The following GRM1 variants were observed in gnomAD, a reference collection of about 807,000 sequenced individuals.
The protein encoded by GRM1 is glutamate metabotropic receptor 1.
In GRM1, 33 loss-of-function variants were observed where a neutral mutation model predicts 90.9. The observed-to-expected ratio is 0.36, with a 90% confidence interval of 0.28 to 0.49. GRM1 has a LOEUF of 0.49. Ranked by LOEUF, GRM1 falls within the 20% of genes least tolerant of loss-of-function variation. The pLI is 0.99. For missense variants in GRM1, 1,190 were observed against 1,534.3 expected, an observed-to-expected ratio of 0.78 and a Z score of 3.75; for synonymous variants, 700 against 613.2, an observed-to-expected ratio of 1.14 and a Z score of -2.09.
At chr6:146,074,156 C>G (rs1776106451) in intron 1 of GRM1, among the ~76,000 whole-genome samples, 1 of 151,964 alleles carries the variant, frequency 6.6e-6, no homozygotes, top group South Asian at 2.1e-4. Context: ...AAACAATGTA[C>G]CAAATGTTGA....
chr6:146,430,082 A>T (rs1379934379), intron 7 of GRM1, among the ~76,000 whole-genome samples: 1 of 152,202 alleles, frequency 6.6e-6, no homozygotes, highest in East Asian at 1.9e-4. Context: ...TACTCTGCAG[A>T]TGTAACTAGT....
chr6:146,124,622 G>C (rs1323887404), intron 1 of GRM1, among the ~76,000 whole-genome samples: 1 of 151,936 alleles, frequency 6.6e-6, no homozygotes, highest in African/African-American at 2.4e-5. Flanking sequence ...ATAAGAATTG[G>C]TTATACTACA....
At chr6:146,136,061 C>T (rs367566908) in intron 1 of GRM1, among the ~76,000 whole-genome samples, 3 of 152,178 alleles carry the variant, frequency 2.0e-5, no homozygotes, top group African/African-American at 7.2e-5. Context: ...GCTTATTTCA[C>T]TTAAGATAAT....
At chr6:146,148,932 G>T (rs1224938196) in intron 1 of GRM1, among the ~76,000 whole-genome samples, 1 of 152,160 alleles carries the variant, frequency 6.6e-6, no homozygotes, top group Non-Finnish European at 1.5e-5. Context: ...AGGTGAGATA[G>T]AATTGCTCCT....
intron 2 of GRM1, among the ~76,000 whole-genome samples, chr6:146,232,720 A>C (rs368275810): frequency 6.6e-6 from 1 of 152,022 alleles, no homozygotes; most frequent in African/African-American, 2.4e-5. Flanking sequence ...TATTGCATTA[A>C]GGCTCACCTA....
At position 146,398,805 on chromosome 6, in the gene GRM1, G is replaced by C. The variant is rs1183828361; in HGVS notation, c.1766G>C (p.Ser589Thr). The change falls in exon 7 of 8, where the codon AGC becomes ACC. Residue 589 changes from serine (S) to threonine (T), a missense_variant. Coordinates refer to ENST00000282753, the MANE Select transcript of GRM1 (RefSeq NM_001278064.2). Reference protein sequence around the residue: ...EPIPVRYLEWSNIESIIAIAF... With the variant: ...EPIPVRYLEWTNIESIIAIAF... ...ATTCCTGTGCGCTATCTTGAGTGGA[G>C]CAACATCGAATCCATTATAGCCATC... 6.2e-7 allele frequency: 1 copy of C among 1,613,346 alleles called. No homozygotes were observed. The highest frequency in any genetic ancestry group is 8.5e-7 in the Non-Finnish European group (1 of 1,179,458).
Position 146,437,554 on chromosome 6 carries a change from C to G in GRM1, c.*2758C>G, listed in dbSNP as rs967015578. On this transcript the variant is annotated 3_prime_UTR_variant, in exon 8 of 8. Coordinates refer to ENST00000282753, the MANE Select transcript of GRM1 (RefSeq NM_001278064.2). ...CCTTCGGCTTGTTACTGCCTTTTGT[C>G]AAATAATCTTGACAATGCTGTATAA... The G allele has an allele frequency of 2.6e-5, 4 of 152,634 alleles. No individual in the cohort carries two copies. The highest frequency in any genetic ancestry group is 9.6e-5 in the African/African-American group (4 of 41,544). 9.5% of individuals were successfully genotyped at this position (152,634 alleles called of 1,614,324 possible). A position where few individuals can be genotyped will look rare whatever the true frequency, so the allele number is the denominator to read the frequency against.
intron 6 of GRM1, 61 bp from the exon 7 acceptor site, chr6:146,398,708 G>C: frequency 9.1e-7 from 1 of 1,103,494 alleles, no homozygotes; most frequent in South Asian, 1.2e-5. Flanking sequence ...TAATTAATAG[G>C]CAAGTTGTTA....
intron 6 of GRM1, among the ~76,000 whole-genome samples, chr6:146,392,983 C>G (rs1289444525): frequency 1.3e-5 from 2 of 152,056 alleles, no homozygotes; most frequent in Non-Finnish European, 2.9e-5. Flanking sequence ...GTGAATAGTG[C>G]TGTGATACAT....
intron 2 of GRM1, among the ~76,000 whole-genome samples, chr6:146,188,795 A>C (rs1031771400): frequency 1.3e-5 from 2 of 152,178 alleles, no homozygotes; most frequent in Non-Finnish European, 2.9e-5. Context: ...TTAGTTCCTC[A>C]TTCTCTAGAA....
chr6:146,399,173 A>G lies in GRM1; in HGVS notation c.2134A>G (p.Ile712Val). ...CTGGGCTCAGGTGATCATTGCCTCA[A>G]TTCTGATTAGTGTGCAACTAACCCT... ...SAWAQVIIAS[I>V]LISVQLTLVV... Residue 712 changes from isoleucine (I) to valine (V), a missense_variant, in exon 7 of 8, where the codon ATT becomes GTT. Around this residue, in one of 10 missense-constraint regions of GRM1, gnomAD observed 414 missense variants for 598.4 expected, o/e 0.69. Transcript: ENST00000282753. The surrounding 1 kb of genome is among the most constrained non-coding windows in gnomAD (Gnocchi z 5.4). 6.2e-7 allele frequency: 1 copy of G among 1,614,038 alleles called. No homozygotes were observed. Among genetic ancestry groups the G allele is most frequent in the Non-Finnish European group, 8.5e-7 (1 of 1,180,006 alleles).
At chr6:146,322,729 T>A (rs746254843) in intron 3 of GRM1, among the ~76,000 whole-genome samples, 29 of 152,132 alleles carry the variant, frequency 1.9e-4, no homozygotes, top group Non-Finnish European at 3.5e-4. Flanking sequence ...ATTAGGTATA[T>A]CTCCTAATGC....
chr6:146,226,515 A>G (rs756592824), intron 2 of GRM1, among the ~76,000 whole-genome samples: 1 of 152,152 alleles, frequency 6.6e-6, no homozygotes, highest in Non-Finnish European at 1.5e-5. Flanking sequence ...TTGCTTGCAT[A>G]TGAAACCATC....
rs530256407 is a variant in GRM1, at chr6:146,312,093, G to A, written c.1186+7247G>A. ...GCGGTGGCTCACGCCTGTAATCCCA[G>A]CACTTTGGGAGGCCGAGGTGGGCGG... is the stretch of plus-strand genomic sequence containing the variant. On this transcript the variant is annotated intron_variant, in intron 3 of 7. Transcript: ENST00000282753. 2.4e-3 allele frequency among the ~76,000 whole-genome samples: 364 copies of A among 152,124 alleles called. 3 individuals are homozygous for A. Among genetic ancestry groups the A allele is most frequent in the African/African-American group, 8.0e-3 (333 of 41,504 alleles).
chr6:146,152,784 A>G (rs2128888886), intron 1 of GRM1, among the ~76,000 whole-genome samples: 1 of 152,348 alleles, frequency 6.6e-6, no homozygotes. Context: ...TCAGGTTAAG[A>G]GTTCAATAAA....
At chr6:146,037,550 A>G (rs908679758) in intron 1 of GRM1, among the ~76,000 whole-genome samples, 1 of 151,884 alleles carries the variant, frequency 6.6e-6, no homozygotes, top group South Asian at 2.1e-4. Context: ...ATTTAGCTCA[A>G]CTGTGTCTTT....
At chr6:146,172,687 A>G (rs1262241896) in intron 2 of GRM1, among the ~76,000 whole-genome samples, 2 of 152,160 alleles carry the variant, frequency 1.3e-5, no homozygotes, top group African/African-American at 4.8e-5. Flanking sequence ...AGTGATACTC[A>G]ATGTGGGGTT....
At chr6:146,375,964 G>A (rs1264207033) in intron 5 of GRM1, among the ~76,000 whole-genome samples, 2 of 151,408 alleles carry the variant, frequency 1.3e-5, no homozygotes, top group African/African-American at 4.9e-5. Context: ...CTTCCTTCCT[G>A]TTTTCCTCTA....
At chr6:146,292,656 A>G (rs1287013581) in intron 2 of GRM1, among the ~76,000 whole-genome samples, 1 of 151,996 alleles carries the variant, frequency 6.6e-6, no homozygotes, top group Non-Finnish European at 1.5e-5. Flanking sequence ...AAACCCTTGT[A>G]CATTGCTGGT....
Sources: gnomAD v4.1 joint callset for allele counts (sites outside exome capture counted in the v4.1 genomes callset) on GRCh38, gnomAD v4.1.1 for gene constraint, gnomAD v4.1.1 regional missense constraint, Gnocchi (gnomAD v3.1) non-coding constraint, MANE v1.5 for transcripts, NCBI Gene and HGNC (gene_info 2026-07-23, HGNC 2026-07-21) for gene names.